Variants in PPP2R5D observed in about 807,000 individuals in gnomAD.
PPP2R5D encodes the protein protein phosphatase 2 regulatory subunit B'delta.
A neutral mutation model predicts 79.1 loss-of-function variants in PPP2R5D; 12 were observed. The ratio of observed to expected loss-of-function variants is 0.15; its 90% CI spans 0.10 to 0.25. PPP2R5D has a LOEUF of 0.25. Ranked by LOEUF, PPP2R5D falls within the 10% of genes least tolerant of loss-of-function variation. The pLI is 1.00. For missense variants in PPP2R5D, 419 were observed against 760.2 expected (o/e 0.55, Z 5.28); for synonymous variants, 277 against 286.6 (o/e 0.97, Z 0.34).
At position 43,006,713 on chromosome 6, in the gene PPP2R5D, C is replaced by T. The variant is rs1762101319; in HGVS notation, c.322+34C>T. 6.2e-7 allele frequency: 1 copy of T among 1,606,776 alleles called. No homozygotes were observed. Among genetic ancestry groups the T allele is most frequent in the African/African-American group, 1.3e-5 (1 of 74,678 alleles). The stretch of plus-strand genomic sequence containing the variant: ...CAATTGGTCACAGGGGCTGTTTTAC[C>T]AGTTCTAGTGGGCATCGGGAGTTGG... On this transcript the variant is annotated intron_variant, in intron 3 of 15. Transcript: ENST00000485511. This position sits in a 1 kb window ranked among gnomAD's most constrained non-coding sequence, Gnocchi z 4.7.
intron 2 of PPP2R5D, among the ~76,000 whole-genome samples, chr6:42,998,051 ATATATATTTT>A (rs1771901725): frequency 5.2e-5 from 1 of 19,068 alleles, no homozygotes; most frequent in African/African-American, 1.9e-4. Flanking sequence ...ATATATATAT[ATATATATTTT>A]TTTTTTTTTT....
intron 2 of PPP2R5D, among the ~76,000 whole-genome samples, chr6:42,996,344 A>G (rs1771687215): frequency 6.6e-6 from 1 of 151,618 alleles, no homozygotes. Context: ...GGGCGCCTGT[A>G]GTCCCAGCTA....
chr6:42,986,347 C>G (rs1352658576), intron 1 of PPP2R5D, among the ~76,000 whole-genome samples: 1 of 152,068 alleles, frequency 6.6e-6, no homozygotes. Flanking sequence ...CTCGATGACC[C>G]CAGAGGTATA....
Position 43,012,222 on chromosome 6 carries a change from G to A in PPP2R5D, c.*936G>A. ...CCCAGGTTCCAGGGGCGCAGGCAGT[G>A]CGGCTTTTGGCTGTGTACATAGGGT... On this transcript the variant is annotated 3_prime_UTR_variant, in exon 16 of 16. Coordinates refer to ENST00000485511, the MANE Select transcript of PPP2R5D (RefSeq NM_006245.4). 8.5e-7 allele frequency: 1 copy of A among 1,180,040 alleles called. No individual in the cohort carries two copies. The highest frequency in any genetic ancestry group is 1.0e-6 in the Non-Finnish European group (1 of 953,330). 73.1% of individuals were successfully genotyped at this position (1,180,040 alleles called of 1,614,324 possible).
At chr6:42,993,634 C>T (rs973090853) in intron 2 of PPP2R5D, among the ~76,000 whole-genome samples, 1 of 152,202 alleles carries the variant, frequency 6.6e-6, no homozygotes, top group Non-Finnish European at 1.5e-5. Flanking sequence ...CAATCTTTGG[C>T]ATTCCTTGTA....
intron 2 of PPP2R5D, among the ~76,000 whole-genome samples, chr6:43,005,884 A>AC (rs1488191922): frequency 2.0e-5 from 3 of 152,086 alleles, no homozygotes; most frequent in Non-Finnish European, 4.4e-5. Flanking sequence ...GGCCTCCCAA[A>AC]GTGCTGGGAT....
chr6:43,008,282 C>A lies in PPP2R5D; in HGVS notation c.917+22C>A. 6.2e-7 allele frequency: 1 copy of A among 1,614,096 alleles called. No individual in the cohort carries two copies. The highest frequency in any genetic ancestry group is 8.5e-7 in the Non-Finnish European group (1 of 1,179,994). ...GCAGGTGAGAGGCCGGGTGGGGGCACAGATGCCTGAAAAAGGTTGGCAGGA... is the reference window on the plus strand; with the variant it reads ...GCAGGTGAGAGGCCGGGTGGGGGCAAAGATGCCTGAAAAAGGTTGGCAGGA... On this transcript the variant is annotated intron_variant, in intron 8 of 15. Transcript: ENST00000485511. The surrounding 1 kb of genome is among the most constrained non-coding windows in gnomAD (Gnocchi z 4.2).
intron 2 of PPP2R5D, among the ~76,000 whole-genome samples, chr6:42,989,975 CG>C (rs1435887453): frequency 6.6e-6 from 1 of 152,066 alleles, no homozygotes; most frequent in East Asian, 1.9e-4. Flanking sequence ...GGGCAAAAAG[CG>C]GGAGGTTCTG....
chr6:43,006,448 G>A lies in PPP2R5D; in HGVS notation c.106-15G>A, dbSNP rs774961027. On this transcript the variant is annotated splice_polypyrimidine_tract_variant and intron_variant, in intron 2 of 15. Coordinates refer to ENST00000485511, the MANE Select transcript of PPP2R5D (RefSeq NM_006245.4). The surrounding 1 kb of genome is among the most constrained non-coding windows in gnomAD (Gnocchi z 4.7). ...TCTTGGGAAGTGGATTTCAACAGGT[G>A]ACTTGTTTGACCAGGCCCAGCCGCA... 6.2e-7 allele frequency: 1 copy of A among 1,611,628 alleles called. No individual in the cohort carries two copies. The highest frequency in any genetic ancestry group is 2.2e-5 in the East Asian group (1 of 44,868).
In PPP2R5D at chr6:43,007,805, G is replaced by A; in HGVS notation, c.727-130G>A. On this transcript the variant is annotated intron_variant, in intron 6 of 15. Transcript: ENST00000485511. This position sits in a 1 kb window ranked among gnomAD's most constrained non-coding sequence, Gnocchi z 4.5. Reference sequence around the variant, plus strand: ...GAATCAGCAATATAATAGAATCACTGCTTTCTAAGACTTGCTGGCCCCCAC... The same window carrying A: ...GAATCAGCAATATAATAGAATCACTACTTTCTAAGACTTGCTGGCCCCCAC... 8.3e-7 allele frequency: 1 copy of A among 1,199,950 alleles called. No individual in the cohort carries two copies. Among genetic ancestry groups the A allele is most frequent in the African/African-American group, 1.5e-5 (1 of 65,346 alleles). The allele number at this position is 1,199,950 out of a possible 1,614,324, so 74.3% of individuals were successfully genotyped here.
chr6:42,996,160 A>AT (rs1309140236), intron 2 of PPP2R5D, among the ~76,000 whole-genome samples: 1 of 131,230 alleles, frequency 7.6e-6, no homozygotes, highest in East Asian at 2.2e-4. Context: ...ACTCATGTTT[A>AT]TTTTTTAAGA....
In PPP2R5D at chr6:42,984,875, G is replaced by T. The variant is rs1351505934; in HGVS notation, c.27+171G>T. Reference sequence around the variant, plus strand: ...GCTGGCAGCACCCCCAGCTTGTGCCGCAGCTAGGACAGCTCCCCCACCTTG... The same window carrying T: ...GCTGGCAGCACCCCCAGCTTGTGCCTCAGCTAGGACAGCTCCCCCACCTTG... On this transcript the variant is annotated intron_variant, in intron 1 of 15. Coordinates refer to ENST00000485511, the MANE Select transcript of PPP2R5D (RefSeq NM_006245.4). 1.5e-4 allele frequency among the ~76,000 whole-genome samples: 23 copies of T among 148,626 alleles called. 1 individual carries two copies. Among genetic ancestry groups the T allele is most frequent in the Non-Finnish European group, 2.5e-4 (17 of 67,358 alleles).
chr6:43,010,534 T>C lies in PPP2R5D; in HGVS notation c.1446T>C (p.Asp482=). 1.2e-6 allele frequency: 2 copies of C among 1,614,132 alleles called. No individual in the cohort carries two copies. The highest frequency in any genetic ancestry group is 1.1e-5 in the South Asian group (1 of 91,070). ...TGGAAATGAATCAGAAGCTGTTTGA[T>C]GACTGCACACAACAATACAAGGCAG... ...LFMEMNQKLF[D]DCTQQYKAEK... The change falls in exon 13 of 16, where the codon GAT becomes GAC. Residue 482 remains aspartate, a synonymous_variant. Coordinates refer to ENST00000485511, the MANE Select transcript of PPP2R5D (RefSeq NM_006245.4). The surrounding 1 kb of genome is among the most constrained non-coding windows in gnomAD (Gnocchi z 4.7).
chr6:42,993,646 A>G (rs560497370), intron 2 of PPP2R5D, among the ~76,000 whole-genome samples: 2 of 152,288 alleles, frequency 1.3e-5, no homozygotes, highest in East Asian at 3.9e-4. Context: ...TTCCTTGTAG[A>G]TGCATCACTT....
chr6:43,003,061 T>C (rs1279676170), intron 2 of PPP2R5D, among the ~76,000 whole-genome samples: 1 of 152,184 alleles, frequency 6.6e-6, no homozygotes, highest in East Asian at 1.9e-4. Flanking sequence ...AATACCTGTA[T>C]TTAGACTTCT....
Position 42,989,682 on chromosome 6 carries a change from T to C in PPP2R5D, c.99T>C (p.Thr33=). The change falls in exon 2 of 16, where the codon ACT becomes ACC. Residue 33 remains threonine, a synonymous_variant. Coordinates refer to ENST00000485511, the MANE Select transcript of PPP2R5D (RefSeq NM_006245.4). ...SSGKDGGGEN[T]EEAQPQPQPQ... ...GCAAGGATGGTGGAGGCGAGAACAC[T>C]GAGGAGGTAATGAATGTAGGCGTAG... The C allele has an allele frequency of 6.2e-7, 1 of 1,613,236 alleles. No homozygotes were observed. Among genetic ancestry groups the C allele is most frequent in the South Asian group, 1.1e-5 (1 of 91,014 alleles).
chr6:43,012,223 C>T lies in PPP2R5D; in HGVS notation c.*937C>T, dbSNP rs564079507. The T allele has an allele frequency of 5.3e-5, 63 of 1,181,472 alleles. No homozygotes were observed. The highest frequency in any genetic ancestry group is 2.7e-4 in the East Asian group (7 of 25,576). The allele number at this position is 1,181,472 out of a possible 1,614,324, so 73.2% of individuals were successfully genotyped here. On this transcript the variant is annotated 3_prime_UTR_variant, in exon 16 of 16. Transcript: ENST00000485511. ...CCAGGTTCCAGGGGCGCAGGCAGTG[C>T]GGCTTTTGGCTGTGTACATAGGGTG... is the stretch of plus-strand genomic sequence containing the variant.
intron 2 of PPP2R5D, among the ~76,000 whole-genome samples, chr6:42,995,126 C>CTTTCT (rs1437034798): frequency 9.4e-6 from 1 of 106,366 alleles, no homozygotes; most frequent in Non-Finnish European, 1.8e-5. Flanking sequence ...CTTTTTCTTT[C>CTTTCT]TTTTTTTTTT....
intron 2 of PPP2R5D, among the ~76,000 whole-genome samples, chr6:43,002,567 C>G (rs775990244): frequency 1.8e-4 from 27 of 152,094 alleles, no homozygotes; most frequent in Non-Finnish European, 3.4e-4. Flanking sequence ...CCACTTCCCC[C>G]ACCCCAAGGT....
Sources: gnomAD v4.1 joint callset for allele counts (sites outside exome capture counted in the v4.1 genomes callset) on GRCh38, gnomAD v4.1.1 for gene constraint, Gnocchi (gnomAD v3.1) non-coding constraint, MANE v1.5 for transcripts, NCBI Gene and HGNC (gene_info 2026-07-23, HGNC 2026-07-21) for gene names.